Variants in MCF2L observed in about 807,000 individuals in gnomAD.
The protein encoded by MCF2L is guanine nucleotide exchange factor DBS.
MCF2L carries 97 observed loss-of-function variants against 153.4 expected under a neutral mutation model. The ratio of observed to expected loss-of-function variants is 0.63; its 90% CI spans 0.54 to 0.75. The LOEUF (loss-of-function observed/expected upper bound fraction) is 0.75. Ranked by LOEUF, MCF2L falls within the 30% of genes least tolerant of loss-of-function variation. MCF2L has a pLI of 0.00. For missense variants in MCF2L, 1,347 were observed against 1,495.2 expected, an observed-to-expected ratio of 0.90 and a Z score of 1.64; for synonymous variants, 659 against 632.2, an observed-to-expected ratio of 1.04 and a Z score of -0.64.
chr13:112,952,602 G>T (rs2081706962), intron 2 of MCF2L, among the ~76,000 whole-genome samples: 1 of 152,206 alleles, frequency 6.6e-6, no homozygotes, highest in Admixed American at 6.5e-5. Context: ...TTTGTGGATT[G>T]TTTGGGGCAT....
intron 2 of MCF2L, chr13:112,909,333 CTCTGTGTCT>C: frequency 1.3e-6 from 1 of 779,552 alleles, no homozygotes; most frequent in Admixed American, 1.7e-5. Flanking sequence ...CATCCTTCAC[CTCTGTGTCT>C]ACAGACCCGG....
chr13:113,088,867 G>A (rs192109490), intron 25 of MCF2L, among the ~76,000 whole-genome samples: 2 of 152,294 alleles, frequency 1.3e-5, no homozygotes, highest in East Asian at 1.9e-4. Flanking sequence ...TCCACAGCAC[G>A]GCAGTGCGCA....
Position 113,045,048 on chromosome 13 carries a change from A to C in MCF2L, c.279-223A>C. 1 of 1,084,794 alleles carries C rather than the reference A, an allele frequency of 9.2e-7. No homozygotes were observed. The highest frequency in any genetic ancestry group is 1.3e-6 in the Non-Finnish European group (1 of 748,992). 67.2% of individuals were successfully genotyped at this position (1,084,794 alleles called of 1,614,324 possible). ...GTGGTTGGTGTTAGGCTGAGAAATA[A>C]GAACACACCAAAAGTGCCTGCCCTT... On this transcript the variant is annotated intron_variant, in intron 3 of 29. Coordinates refer to ENST00000535094, the MANE Select transcript of MCF2L (RefSeq NM_001112732.3). The surrounding 1 kb of genome is among the most constrained non-coding windows in gnomAD (Gnocchi z 4.2).
In MCF2L at chr13:113,064,290, C is replaced by T. The variant is rs113591580; in HGVS notation, c.490-14C>T. 1.8e-3 allele frequency: 2,785 copies of T among 1,583,608 alleles called. 44 individuals carry two copies. In the African/African-American group the frequency reaches 0.033, roughly 19 times the overall value. On this transcript the variant is annotated splice_polypyrimidine_tract_variant and intron_variant, in intron 5 of 29. Coordinates refer to ENST00000535094, the MANE Select transcript of MCF2L (RefSeq NM_001112732.3). The surrounding 1 kb of genome is among the most constrained non-coding windows in gnomAD (Gnocchi z 6.0). ...TAATCCCAAACACTACCACGCATTC[C>T]CTTTCTCCTCCAGGTCATAATGCTG...
chr13:113,090,547 T>G (rs2035109280), intron 26 of MCF2L: 1 of 985,008 alleles, frequency 1.0e-6, no homozygotes, highest in African/African-American at 1.7e-5. Context: ...CTCAGCCATC[T>G]TCTGGGGCAT....
intron 3 of MCF2L, among the ~76,000 whole-genome samples, chr13:113,036,283 ATAAGT>A (rs531719085): frequency 1.2e-3 from 190 of 152,340 alleles, no homozygotes; most frequent in African/African-American, 4.4e-3. Context: ...CCTTTTATAC[ATAAGT>A]TAACTGAGGC....
At chr13:113,012,619 T>C in intron 1 of MCF2L, among the ~76,000 whole-genome samples, 1 of 101,878 alleles carries the variant, frequency 9.8e-6, no homozygotes, top group African/African-American at 3.6e-5. Context: ...ATGCGGACGG[T>C]GGACAGGCGG....
At chr13:112,945,205 G>A (rs1027959697) in intron 2 of MCF2L, among the ~76,000 whole-genome samples, 2 of 152,132 alleles carry the variant, frequency 1.3e-5, no homozygotes, top group Admixed American at 6.5e-5. Flanking sequence ...TTAGGGCAGT[G>A]CAACTATTCT....
intron 2 of MCF2L, among the ~76,000 whole-genome samples, chr13:112,962,055 G>A (rs2185001): frequency 3.1e-5 from 3 of 96,920 alleles, no homozygotes; most frequent in Admixed American, 3.0e-4. Flanking sequence ...ACACGGACAC[G>A]CACACACATG....
chr13:112,990,330 G>A (rs1566698693), intron 1 of MCF2L, among the ~76,000 whole-genome samples: 1 of 152,230 alleles, frequency 6.6e-6, no homozygotes, highest in Non-Finnish European at 1.5e-5. Flanking sequence ...GCAGTGTCAG[G>A]TAAGTTCGGG....
At chr13:112,924,239 G>A (rs193236910) in intron 2 of MCF2L, among the ~76,000 whole-genome samples, 87 of 152,098 alleles carry the variant, frequency 5.7e-4, no homozygotes, top group Admixed American at 5.4e-3. Context: ...ACGATGTGTC[G>A]TCGTTAGAGT....
chr13:112,954,174 C>A (rs1271674933), intron 2 of MCF2L, among the ~76,000 whole-genome samples: 1 of 152,150 alleles, frequency 6.6e-6, no homozygotes, highest in Non-Finnish European at 1.5e-5. Context: ...GAGCCTGGGG[C>A]CTGCTCTGTC....
intron 13 of MCF2L, 147 bp downstream of exon 13, chr13:113,077,358 C>A: frequency 1.0e-6 from 1 of 974,776 alleles, no homozygotes; most frequent in Non-Finnish European, 1.5e-6. Flanking sequence ...CAGTTCAGGG[C>A]CTGAGGGCCG....
intron 2 of MCF2L, chr13:112,917,606 G>A (rs1029671988): frequency 7.2e-5 from 13 of 180,908 alleles, no homozygotes; most frequent in African/African-American, 2.6e-4. Flanking sequence ...CTGGCCCTTC[G>A]TGCCTTCCTT....
intron 1 of MCF2L, among the ~76,000 whole-genome samples, chr13:113,004,409 G>A (rs1031763295): frequency 2.6e-5 from 4 of 152,220 alleles, no homozygotes; most frequent in Non-Finnish European, 4.4e-5. Flanking sequence ...GTCTGCAGCC[G>A]TCACTCCATG....
chr13:112,978,701 G>A (rs2082296613), intron 1 of MCF2L, among the ~76,000 whole-genome samples: 1 of 152,236 alleles, frequency 6.6e-6, no homozygotes. Context: ...CCAGATGCGT[G>A]TTCTAATCAC....
chr13:113,037,836 A>G (rs993032755), intron 3 of MCF2L, among the ~76,000 whole-genome samples: 1 of 152,206 alleles, frequency 6.6e-6, no homozygotes, highest in East Asian at 1.9e-4. Flanking sequence ...AGACAACAAG[A>G]CAAGAAAAGA....
At chr13:112,984,814 G>A (rs2082570823) in intron 1 of MCF2L, among the ~76,000 whole-genome samples, 1 of 152,152 alleles carries the variant, frequency 6.6e-6, no homozygotes, top group Non-Finnish European at 1.5e-5. Context: ...AGGGCGTCAG[G>A]ATGCAGGTCC....
intron 22 of MCF2L, 31 bp from the exon 23 acceptor site, chr13:113,087,676 C>T (rs764116384): frequency 7.7e-6 from 12 of 1,555,114 alleles, no homozygotes; most frequent in South Asian, 5.6e-5. Context: ...TCACTGTGCA[C>T]GCGAACCCCA....
Sources: allele counts gnomAD v4.1 joint callset (sites outside exome capture counted in the v4.1 genomes callset), GRCh38; gene constraint gnomAD v4.1.1; non-coding constraint Gnocchi (gnomAD v3.1); transcripts MANE v1.5; gene names NCBI Gene and HGNC (gene_info 2026-07-23, HGNC 2026-07-21).